The following ODAD2 variants were observed in gnomAD, a reference collection of about 807,000 sequenced individuals.
ODAD2 encodes the protein outer dynein arm docking complex subunit 2.
A neutral mutation model predicts 106.8 loss-of-function variants in ODAD2; 89 were observed. The ratio of observed to expected loss-of-function variants is 0.83; its 90% CI spans 0.70 to 0.99. The LOEUF is 0.99. Among genes scored for constraint, ODAD2 ranks in the 50% least tolerant of loss-of-function variants. The pLI is 0.00. For synonymous variants in ODAD2, 404 were observed against 436.2 expected, an observed-to-expected ratio of 0.93 and a Z score of 0.92; for missense variants, 1,168 against 1,238.5, an observed-to-expected ratio of 0.94 and a Z score of 0.85.
chr10:27,965,626 T>C (rs1163798796), intron 9 of ODAD2, among the ~76,000 whole-genome samples: 1 of 151,902 alleles, frequency 6.6e-6, no homozygotes, highest in African/African-American at 2.4e-5. Flanking sequence ...CCCCCTGGAG[T>C]AGTGTATTCA....
At chr10:27,881,954 C>T (rs1039078648) in intron 17 of ODAD2, among the ~76,000 whole-genome samples, 6 of 151,658 alleles carry the variant, frequency 4.0e-5, no homozygotes, top group Non-Finnish European at 8.8e-5. Context: ...TTGCTTGAGC[C>T]CAGAAGTTCG....
intron 16 of ODAD2, among the ~76,000 whole-genome samples, chr10:27,914,680 A>G (rs1001696636): frequency 1.4e-5 from 2 of 147,204 alleles, no homozygotes; most frequent in Non-Finnish European, 2.9e-5. Flanking sequence ...ATATGTATGT[A>G]TGTGTGTGTA....
At chr10:27,903,795 T>A (rs1452799539) in intron 17 of ODAD2, among the ~76,000 whole-genome samples, 2 of 152,094 alleles carry the variant, frequency 1.3e-5, no homozygotes, top group African/African-American at 4.8e-5. Context: ...CACCAATACA[T>A]GCAAGAAACC....
At chr10:27,868,805 A>G (rs1403575988) in intron 17 of ODAD2, among the ~76,000 whole-genome samples, 1 of 152,200 alleles carries the variant, frequency 6.6e-6, no homozygotes, top group African/African-American at 2.4e-5. Context: ...ACAAACCTGC[A>G]CATTCTGCAC....
intron 17 of ODAD2, among the ~76,000 whole-genome samples, chr10:27,890,773 A>T (rs944840837): frequency 0.014 from 218 of 15,194 alleles, no homozygotes; most frequent in African/African-American, 0.037. Flanking sequence ...TATATATTTA[A>T]AAAAAAAAAA....
chr10:27,918,855 A>T (rs1390391077), intron 16 of ODAD2, among the ~76,000 whole-genome samples: 2 of 151,808 alleles, frequency 1.3e-5, no homozygotes, highest in African/African-American at 4.8e-5. Context: ...ACATAAAGGT[A>T]TATTTGAATA....
intron 12 of ODAD2, among the ~76,000 whole-genome samples, chr10:27,942,477 C>T (rs1846529911): frequency 6.6e-6 from 1 of 152,070 alleles, no homozygotes; most frequent in South Asian, 2.1e-4. Flanking sequence ...TGTTGTTTTG[C>T]TTAAAGTCAC....
intron 19 of ODAD2, among the ~76,000 whole-genome samples, chr10:27,857,836 G>C (rs1209697566): frequency 6.6e-6 from 1 of 152,210 alleles, no homozygotes; most frequent in Non-Finnish European, 1.5e-5. Context: ...CATTGTTAAA[G>C]AGCCTGTCAA....
At position 27,899,205 on chromosome 10, in the gene ODAD2, G is replaced by T. The variant is rs183181586; in HGVS notation, c.2610+8458C>A. ...CGTCACCTCACTTGGGAAGCACAAG[G>T]GATCAGTGAAATCCCTCCCCTAGCC... On this transcript the variant is annotated intron_variant, in intron 17 of 19. Transcript: ENST00000305242. Among the ~76,000 whole-genome samples the T allele has an allele frequency of 6.0e-3, 915 of 151,870 alleles. 7 individuals are homozygous for T. Among genetic ancestry groups the T allele is most frequent in the African/African-American group, 0.021 (876 of 41,410 alleles).
chr10:27,872,842 C>A (rs1490011891), intron 17 of ODAD2, among the ~76,000 whole-genome samples: 1 of 152,090 alleles, frequency 6.6e-6, no homozygotes, highest in African/African-American at 2.4e-5. Context: ...CTCTGCCAGG[C>A]TTTGGTATCA....
At chr10:27,829,972 T>TC (rs1564404362) in intron 19 of ODAD2, among the ~76,000 whole-genome samples, 1 of 152,060 alleles carries the variant, frequency 6.6e-6, no homozygotes, top group African/African-American at 2.4e-5. Context: ...ATTTCTTTTT[T>TC]CCCCCAGACA....
intron 17 of ODAD2, among the ~76,000 whole-genome samples, chr10:27,886,434 AT>A (rs1252298677): frequency 1.5e-4 from 23 of 152,228 alleles, no homozygotes; most frequent in African/African-American, 5.3e-4. Flanking sequence ...TCTTTCAAGA[AT>A]GAAGAAAAAA....
At chr10:27,966,414 C>T (rs987166732) in intron 9 of ODAD2, among the ~76,000 whole-genome samples, 12 of 152,324 alleles carry the variant, frequency 7.9e-5, no homozygotes, top group African/African-American at 2.9e-4. Flanking sequence ...GAGTGAATTA[C>T]GTCTACCCAA....
chr10:27,923,430 A>G (rs954120754), intron 16 of ODAD2, among the ~76,000 whole-genome samples: 2 of 152,220 alleles, frequency 1.3e-5, no homozygotes, highest in African/African-American at 4.8e-5. Context: ...ATCAAAAGTC[A>G]TAATTCATAA....
intron 17 of ODAD2, among the ~76,000 whole-genome samples, chr10:27,903,425 A>G (rs1843355193): frequency 6.6e-6 from 1 of 152,204 alleles, no homozygotes; most frequent in Admixed American, 6.5e-5. Flanking sequence ...CTGCTATTCA[A>G]TATAGTATTG....
In ODAD2 at chr10:27,971,140, G is replaced by A. The variant is rs199652327; in HGVS notation, c.1110C>T (p.Ser370=). The change falls in exon 8 of 20, where the codon AGC becomes AGT. Residue 370 remains serine (S), a synonymous_variant. Transcript: ENST00000305242. ...RNQMTKRWEP[S]LNWKTTVNYK... ...AATTAACAGTGGTCTTCCAGTTTAA[G>A]CTTGGTTCCCATCTCTTGGTCATTT... is the stretch of plus-strand genomic sequence containing the variant. The A allele has an allele frequency of 9.9e-6, 16 of 1,613,686 alleles. No individual in the cohort carries two copies. The East Asian group carries it at 3.6e-4, about 36-fold the overall frequency.
At chr10:27,916,026 T>C (rs1844347341) in intron 16 of ODAD2, among the ~76,000 whole-genome samples, 2 of 152,040 alleles carry the variant, frequency 1.3e-5, no homozygotes, top group African/African-American at 4.8e-5. Flanking sequence ...AGTCACAAGA[T>C]ATTAGAACCT....
chr10:27,939,472 T>C (rs1008019005), intron 14 of ODAD2, among the ~76,000 whole-genome samples: 3 of 152,068 alleles, frequency 2.0e-5, no homozygotes, highest in Non-Finnish European at 4.4e-5. Flanking sequence ...TCCCAGCACT[T>C]TGGGAGGCTG....
intron 8 of ODAD2, among the ~76,000 whole-genome samples, chr10:27,969,289 G>C (rs141599016): frequency 6.1e-5 from 9 of 148,746 alleles, no homozygotes; most frequent in African/African-American, 2.3e-4. Context: ...TCCTGCACCC[G>C]ATGCCTTCTA....
Sources: allele counts gnomAD v4.1 joint callset (sites outside exome capture counted in the v4.1 genomes callset), GRCh38; gene constraint gnomAD v4.1.1; transcripts MANE v1.5; gene names NCBI Gene and HGNC (gene_info 2026-07-23, HGNC 2026-07-21).